The following ATG10 variants were observed in gnomAD, a reference collection of about 807,000 sequenced individuals.
ATG10 encodes autophagy related 10.
ATG10 carries 30 observed loss-of-function variants against 32.1 expected under a neutral mutation model. That is an observed-to-expected ratio of 0.94 (90% CI 0.70 to 1.27). ATG10 has a LOEUF of 1.27. ATG10 is among the 50% of genes most tolerant of loss of function. The pLI, the probability that ATG10 is intolerant of heterozygous loss-of-function variation, is 0.00. For missense variants in ATG10, 233 were observed against 262.3 expected, an observed-to-expected ratio of 0.89 and a Z score of 0.77; for synonymous variants, 87 against 91.5, an observed-to-expected ratio of 0.95 and a Z score of 0.28.
At chr5:82,146,700 A>G (rs142244025) in intron 3 of ATG10, among the ~76,000 whole-genome samples, 1 of 150,274 alleles carries the variant, frequency 6.7e-6, no homozygotes, top group Non-Finnish European at 1.5e-5. Context: ...CCAGTTTGTT[A>G]TTAATCAGAT....
intron 5 of ATG10, among the ~76,000 whole-genome samples, chr5:82,236,183 G>A (rs1399845867): frequency 6.6e-6 from 1 of 152,032 alleles, no homozygotes; most frequent in East Asian, 1.9e-4. Context: ...GCCTGACCTA[G>A]TTGTGCAGCC....
intron 2 of ATG10, among the ~76,000 whole-genome samples, chr5:82,039,486 TGAA>T (rs1248805139): frequency 1.3e-5 from 2 of 148,644 alleles, no homozygotes; most frequent in African/African-American, 2.6e-5. Context: ...TTATTGTCTT[TGAA>T]GAAGATTTTC....
At position 82,230,505 on chromosome 5, in the gene ATG10, G is replaced by A. The variant is rs773531095; in HGVS notation, c.454-22057G>A. On this transcript the variant is annotated intron_variant, in intron 5 of 7. Coordinates refer to ENST00000282185, the MANE Select transcript of ATG10 (RefSeq NM_031482.5). ...TCCCAGCACTTTGGGATGCCGAGGC[G>A]GGTGGATCACGAGGTCAAGAGATGG... 6.6e-5 allele frequency among the ~76,000 whole-genome samples: 10 copies of A among 152,010 alleles called. No homozygotes were observed. In the South Asian group the frequency reaches 1.2e-3, roughly 19 times the overall value.
intron 2 of ATG10, among the ~76,000 whole-genome samples, chr5:82,040,622 C>A (rs571608499): frequency 6.6e-6 from 1 of 152,044 alleles, no homozygotes; most frequent in South Asian, 2.1e-4. Flanking sequence ...TAAACAATTC[C>A]TAAGAATTAA....
chr5:82,185,090 A>G (rs1437278768), intron 5 of ATG10, among the ~76,000 whole-genome samples: 1 of 152,232 alleles, frequency 6.6e-6, no homozygotes, highest in Non-Finnish European at 1.5e-5. Context: ...TTTTGTACGC[A>G]TGTATATGCA....
intron 5 of ATG10, among the ~76,000 whole-genome samples, chr5:82,180,757 C>T (rs1316835226): frequency 6.6e-6 from 1 of 152,128 alleles, no homozygotes; most frequent in African/African-American, 2.4e-5. Flanking sequence ...TTCCATTATA[C>T]TCTTGAATCC....
At chr5:82,069,756 G>T (rs1273134982) in intron 3 of ATG10, among the ~76,000 whole-genome samples, 3 of 151,992 alleles carry the variant, frequency 2.0e-5, no homozygotes, top group African/African-American at 7.3e-5. Flanking sequence ...TTTTATTAAA[G>T]GATACTTATT....
At chr5:82,191,870 A>G (rs929297346) in intron 5 of ATG10, among the ~76,000 whole-genome samples, 2 of 152,208 alleles carry the variant, frequency 1.3e-5, no homozygotes, top group Admixed American at 1.3e-4. Context: ...GGAACTTGTA[A>G]TAGCTGTAGT....
intron 2 of ATG10, among the ~76,000 whole-genome samples, chr5:81,996,160 C>T (rs1561245844): frequency 6.6e-6 from 1 of 152,046 alleles, no homozygotes; most frequent in Non-Finnish European, 1.5e-5. Context: ...TTTACATCTA[C>T]TTATGTTTTT....
intron 2 of ATG10, chr5:82,009,685 T>G: frequency 4.4e-6 from 7 of 1,584,110 alleles, no homozygotes; most frequent in Non-Finnish European, 6.1e-6. Flanking sequence ...TCCACAATAT[T>G]CATGCCTTCT....
intron 3 of ATG10, among the ~76,000 whole-genome samples, chr5:82,136,684 A>T (rs962447224): frequency 1.3e-5 from 2 of 152,018 alleles, no homozygotes; most frequent in Non-Finnish European, 2.9e-5. Context: ...GCTGATGATT[A>T]TATGTTGGGG....
intron 3 of ATG10, among the ~76,000 whole-genome samples, chr5:82,118,797 T>G (rs910399933): frequency 2.0e-5 from 3 of 152,036 alleles, no homozygotes; most frequent in African/African-American, 4.8e-5. Context: ...AAGACTGAAC[T>G]CTGGGGAGTA....
chr5:82,233,986 G>A (rs1746462279), intron 5 of ATG10, among the ~76,000 whole-genome samples: 1 of 152,186 alleles, frequency 6.6e-6, no homozygotes, highest in African/African-American at 2.4e-5. Context: ...CATTTGTGGA[G>A]AAGTCACAAG....
intron 3 of ATG10, among the ~76,000 whole-genome samples, chr5:82,084,909 A>ATTC (rs1764616163): frequency 6.6e-6 from 1 of 152,226 alleles, no homozygotes; most frequent in Non-Finnish European, 1.5e-5. Context: ...AATGCTAGGA[A>ATTC]GAAACTGCAT....
intron 3 of ATG10, among the ~76,000 whole-genome samples, chr5:82,074,626 G>A (rs933039055): frequency 3.9e-5 from 6 of 152,272 alleles, no homozygotes; most frequent in African/African-American, 1.4e-4. Flanking sequence ...GCAGGTATGA[G>A]GCAATGACAG....
chr5:82,089,028 A>G (rs1279759438), intron 3 of ATG10, among the ~76,000 whole-genome samples: 2 of 152,186 alleles, frequency 1.3e-5, no homozygotes, highest in Non-Finnish European at 2.9e-5. Context: ...CCTGATTCCA[A>G]GACTTACTAT....
In ATG10 at chr5:82,120,958, T is replaced by C. The variant is rs369722065; in HGVS notation, c.217-43441T>C. 2.6e-5 allele frequency among the ~76,000 whole-genome samples: 4 copies of C among 152,330 alleles called. No homozygotes were observed. In the South Asian group the frequency reaches 8.3e-4, roughly 32 times the overall value. ...TACGTTGCATTTATTTGAAAATCCT[T>C]TGAACTTTGCTTATAAATATTATCC... On this transcript the variant is annotated intron_variant, in intron 3 of 7. Transcript: ENST00000282185.
chr5:82,025,460 A>G (rs191741849), intron 2 of ATG10, among the ~76,000 whole-genome samples: 1 of 152,190 alleles, frequency 6.6e-6, no homozygotes, highest in East Asian at 1.9e-4. Context: ...GTCCCAATCC[A>G]TGGTTGAACT....
rs1384542500 is a variant in ATG10 at position 82,004,101 on chromosome 5, C to G, written c.108+16423C>G. On this transcript the variant is annotated intron_variant, in intron 2 of 7. Transcript: ENST00000282185. ...TGAGCCGAGATTGTGCTACTGCATT[C>G]CAGCCTGCTCTGTCGCCCAGAACAA... 2.0e-5 allele frequency among the ~76,000 whole-genome samples: 3 copies of G among 147,482 alleles called. No homozygotes were observed. In the South Asian group the frequency reaches 6.6e-4, roughly 33 times the overall value.
Sources: gnomAD v4.1 joint callset for allele counts (sites outside exome capture counted in the v4.1 genomes callset) on GRCh38, gnomAD v4.1.1 for gene constraint, MANE v1.5 for transcripts, NCBI Gene and HGNC (gene_info 2026-07-23, HGNC 2026-07-21) for gene names.